The following ADGRL3 variants were observed in gnomAD, a reference collection of about 807,000 sequenced individuals.
The protein encoded by ADGRL3 is calcium-independent alpha-latrotoxin receptor 3.
A neutral mutation model predicts 153.5 loss-of-function variants in ADGRL3; 62 were observed. That is an observed-to-expected ratio of 0.40 (90% CI 0.33 to 0.50). The LOEUF (loss-of-function observed/expected upper bound fraction) is 0.50. ADGRL3 is among the 20% of genes least tolerant of loss of function. The pLI, the probability that ADGRL3 is intolerant of heterozygous loss-of-function variation, is 0.47. For missense variants in ADGRL3, 1,641 were observed against 1,859.4 expected (o/e 0.88, Z 2.16); for synonymous variants, 710 against 672.5 (o/e 1.06, Z -0.86).
At chr4:61,256,763 G>T (rs2092009804) in intron 1 of ADGRL3, among the ~76,000 whole-genome samples, 1 of 152,092 alleles carries the variant, frequency 6.6e-6, no homozygotes, top group Non-Finnish European at 1.5e-5. Context: ...AGACATCCAG[G>T]TTAAAATCAC....
At chr4:61,617,472 A>C (rs138568263) in intron 5 of ADGRL3, among the ~76,000 whole-genome samples, 18 of 152,220 alleles carry the variant, frequency 1.2e-4, no homozygotes, top group African/African-American at 4.3e-4. Context: ...CTATCTTTCC[A>C]GGTCTCTGAT....
chr4:61,886,741 A>G, intron 9 of ADGRL3, among the ~76,000 whole-genome samples: 1 of 152,014 alleles, frequency 6.6e-6, no homozygotes. Flanking sequence ...TCCTGGGTTC[A>G]GGCAATTCTC....
chr4:62,006,370 G>A (rs114688298), intron 21 of ADGRL3, among the ~76,000 whole-genome samples: 3,636 of 151,962 alleles, frequency 0.024, 150 homozygotes, highest in African/African-American at 0.084. Context: ...TGTGACTCCA[G>A]GGTTTTTGGC....
At chr4:61,924,980 T>C (rs2098788376) in intron 13 of ADGRL3, among the ~76,000 whole-genome samples, 1 of 152,156 alleles carries the variant, frequency 6.6e-6, no homozygotes, top group Non-Finnish European at 1.5e-5. Context: ...AAGATATATC[T>C]CAAGATTCTA....
At chr4:61,447,795 A>G (rs189978435) in intron 2 of ADGRL3, among the ~76,000 whole-genome samples, 90 of 152,324 alleles carry the variant, frequency 5.9e-4, no homozygotes, top group African/African-American at 2.1e-3. Flanking sequence ...AACACCAAAC[A>G]GTTTAAGTCC....
At chr4:61,636,506 A>T (rs536125552) in intron 5 of ADGRL3, among the ~76,000 whole-genome samples, 13 of 152,272 alleles carry the variant, frequency 8.5e-5, no homozygotes, top group African/African-American at 3.1e-4. Flanking sequence ...ATACTCCACC[A>T]AAATATCTTT....
chr4:61,833,870 A>T (rs746725766), intron 9 of ADGRL3, among the ~76,000 whole-genome samples: 1 of 152,142 alleles, frequency 6.6e-6, no homozygotes, highest in African/African-American at 2.4e-5. Context: ...AGGAGTGAAC[A>T]GGAGCAGTTT....
In ADGRL3 at chr4:61,726,210, G is replaced by GTTTTTTTTTTTTTTTTTTTTTTTTTTT. The variant is rs149472429; in HGVS notation, c.584-4406_584-4405insTTTTTTTTTTTTTTTTTTTTTTTTTTT. On this transcript the variant is annotated intron_variant, in intron 6 of 26. Coordinates refer to ENST00000683033, the MANE Select transcript of ADGRL3 (RefSeq NM_001387552.1). ...AATACTCACTGGAACTTTTTTTTTT[G>GTTTTTTTTTTTTTTTTTTTTTTTTTTT]TTTTTTGAGAAGGAGTCTCACCCTG... Among the ~76,000 whole-genome samples, 85 of 118,470 alleles carry GTTTTTTTTTTTTTTTTTTTTTTTTTTT rather than the reference G, an allele frequency of 7.2e-4. 9 individuals carry two copies. Among genetic ancestry groups the GTTTTTTTTTTTTTTTTTTTTTTTTTTT allele is most frequent in the South Asian group, 1.5e-3 (5 of 3,322 alleles). The allele number at this position is 118,470 out of a possible 152,430, so 77.7% of individuals were successfully genotyped here.
At chr4:61,553,123 A>G (rs1317862490) in intron 4 of ADGRL3, among the ~76,000 whole-genome samples, 2 of 152,198 alleles carry the variant, frequency 1.3e-5, no homozygotes, top group African/African-American at 4.8e-5. Flanking sequence ...GTTCGTAGGT[A>G]CATATTGCAC....
intron 11 of ADGRL3, 46 bp downstream of exon 11, chr4:61,895,880 T>G: frequency 9.1e-7 from 1 of 1,104,394 alleles, no homozygotes; most frequent in South Asian, 1.5e-5. Flanking sequence ...AACTATATCA[T>G]CTGTTGTTGA....
At chr4:61,945,961 C>T (rs1309609789) in intron 15 of ADGRL3, among the ~76,000 whole-genome samples, 1 of 152,078 alleles carries the variant, frequency 6.6e-6, no homozygotes, top group East Asian at 1.9e-4. Flanking sequence ...GGCTCCTCCT[C>T]CTAGTATATT....
intron 1 of ADGRL3, among the ~76,000 whole-genome samples, chr4:61,345,158 A>T (rs763079280): frequency 3.3e-5 from 5 of 152,052 alleles, no homozygotes; most frequent in Non-Finnish European, 7.4e-5. Flanking sequence ...GTATGTTAGT[A>T]TATTAAAGAT....
intron 8 of ADGRL3, among the ~76,000 whole-genome samples, chr4:61,748,330 A>G (rs1000365019): frequency 1.8e-4 from 28 of 152,168 alleles, no homozygotes; most frequent in African/African-American, 6.3e-4. Flanking sequence ...GCTACCAATG[A>G]CTTTCTCCAC....
chr4:61,580,275 C>A (rs1243013682), intron 4 of ADGRL3, among the ~76,000 whole-genome samples: 1 of 151,948 alleles, frequency 6.6e-6, no homozygotes, highest in African/African-American at 2.4e-5. Flanking sequence ...CAAAAGAGCT[C>A]TTTTTTTCAT....
intron 4 of ADGRL3, among the ~76,000 whole-genome samples, chr4:61,586,828 A>G (rs926188040): frequency 1.3e-5 from 2 of 152,060 alleles, no homozygotes; most frequent in Non-Finnish European, 2.9e-5. Flanking sequence ...CAATAGTGCA[A>G]TTTTTCAATG....
chr4:61,813,950 T>C, intron 9 of ADGRL3, 61 bp downstream of exon 9: 1 of 1,588,184 alleles, frequency 6.3e-7, no homozygotes, highest in Non-Finnish European at 8.6e-7. Flanking sequence ...AAAGCAATGA[T>C]GGTTGTACAT....
At chr4:61,434,099 C>G (rs1310920799) in intron 2 of ADGRL3, among the ~76,000 whole-genome samples, 1 of 152,036 alleles carries the variant, frequency 6.6e-6, no homozygotes, top group Non-Finnish European at 1.5e-5. Context: ...TTAAGGGTAG[C>G]AATTAGTTCT....
At chr4:61,605,968 A>C (rs2149595069) in intron 5 of ADGRL3, among the ~76,000 whole-genome samples, 1 of 152,318 alleles carries the variant, frequency 6.6e-6, no homozygotes, top group Non-Finnish European at 1.5e-5. Context: ...AGGAGATTTA[A>C]TGGGAGAGAC....
intron 1 of ADGRL3, among the ~76,000 whole-genome samples, chr4:61,349,653 G>C (rs903329567): frequency 3.3e-5 from 5 of 152,056 alleles, no homozygotes; most frequent in African/African-American, 1.2e-4. Context: ...TAGTACCTGT[G>C]TTGTAGATTG....
Sources: gnomAD v4.1 joint callset for allele counts (sites outside exome capture counted in the v4.1 genomes callset) on GRCh38, gnomAD v4.1.1 for gene constraint, MANE v1.5 for transcripts, NCBI Gene and HGNC (gene_info 2026-07-23, HGNC 2026-07-21) for gene names.